The following BRINP3 variants were observed in gnomAD, a reference collection of about 807,000 sequenced individuals.
BRINP3 encodes BMP/retinoic acid inducible neural specific 3, also known as BMP/retinoic acid-inducible neural-specific protein 3.
BRINP3 carries 19 observed loss-of-function variants against 71.0 expected under a neutral mutation model. The ratio of observed to expected loss-of-function variants is 0.27; its 90% CI spans 0.19 to 0.39. BRINP3 has a LOEUF of 0.39. Ranked by LOEUF, BRINP3 falls within the 10% of genes least tolerant of loss-of-function variation. BRINP3 has a pLI of 1.00. For missense variants in BRINP3, 959 were observed against 940.8 expected (o/e 1.02, Z -0.25); for synonymous variants, 380 against 337.7 (o/e 1.13, Z -1.37).
At chr1:190,136,523 G>C (rs1367014707) in intron 7 of BRINP3, among the ~76,000 whole-genome samples, 1 of 151,852 alleles carries the variant, frequency 6.6e-6, no homozygotes, top group Non-Finnish European at 1.5e-5. Context: ...CTTCTTCCCT[G>C]CCTTCCCTCT....
At chr1:190,227,335 A>C (rs1158359193) in intron 5 of BRINP3, among the ~76,000 whole-genome samples, 2 of 151,864 alleles carry the variant, frequency 1.3e-5, no homozygotes, top group Non-Finnish European at 2.9e-5. Flanking sequence ...TATGTTGACA[A>C]ATTGCAAAAT....
chr1:190,250,452 A>G (rs1340394755), intron 4 of BRINP3, among the ~76,000 whole-genome samples: 1 of 152,022 alleles, frequency 6.6e-6, no homozygotes, highest in Non-Finnish European at 1.5e-5. Flanking sequence ...TTTTTACTCC[A>G]GCTTGCTGTA....
intron 2 of BRINP3, among the ~76,000 whole-genome samples, chr1:190,359,534 G>C (rs1668991859): frequency 6.6e-6 from 1 of 152,042 alleles, no homozygotes; most frequent in African/African-American, 2.4e-5. Context: ...GCTAAGGTGG[G>C]ATGATCTCTT....
chr1:190,193,531 A>G (rs1654226601), intron 6 of BRINP3, among the ~76,000 whole-genome samples: 1 of 152,070 alleles, frequency 6.6e-6, no homozygotes, highest in Non-Finnish European at 1.5e-5. Flanking sequence ...TACATGTACT[A>G]ATCCCTGGAA....
rs1042006982 is a variant in BRINP3, at chr1:190,449,747, T to C, written c.236+4908A>G. On this transcript the variant is annotated intron_variant, in intron 2 of 7. Transcript: ENST00000367462. ...ATATGTAGTGGTTTGGGCTTAATTA[T>C]CAGTGTATAGCTGAGGCGGAATTTA... 1.6e-4 allele frequency among the ~76,000 whole-genome samples: 24 copies of C among 152,276 alleles called. 1 individual carries two copies. Among genetic ancestry groups the C allele is most frequent in the Non-Finnish European group, 4.4e-5 (3 of 68,012 alleles).
At chr1:190,254,264 CCA>C (rs1660434546) in intron 4 of BRINP3, among the ~76,000 whole-genome samples, 1 of 149,576 alleles carries the variant, frequency 6.7e-6, no homozygotes, top group African/African-American at 2.4e-5. Context: ...TCTTTTAATT[CCA>C]TATGAACTTT....
chr1:190,097,816 T>C lies in BRINP3; in HGVS notation c.*202A>G, dbSNP rs1310621145. On this transcript the variant is annotated 3_prime_UTR_variant, in exon 8 of 8. Coordinates refer to ENST00000367462, the MANE Select transcript of BRINP3 (RefSeq NM_199051.3). The stretch of plus-strand genomic sequence containing the variant: ...TGTCTTCTAGACTGGTGTCAGTATT[T>C]ATGTCATTCATAAACCAAAACTGCT... 3 of 555,372 alleles carry C rather than the reference T, an allele frequency of 5.4e-6. No individual in the cohort carries two copies. Among genetic ancestry groups the C allele is most frequent in the Non-Finnish European group, 9.4e-6 (3 of 317,678 alleles). 34.4% of individuals were successfully genotyped at this position (555,372 alleles called of 1,614,324 possible).
Position 190,160,795 on chromosome 1 carries a change from G to A in BRINP3, c.1057C>T (p.Arg353Cys), listed in dbSNP as rs147790033. Residue 353 changes from arginine to cysteine, a missense_variant, in exon 7 of 8, where the codon CGC (arginine) becomes TGC (cysteine). Arg to Cys is a radical substitution (Grantham distance 180). Coordinates refer to ENST00000367462, the MANE Select transcript of BRINP3 (RefSeq NM_199051.3). ...HLWTMDSNFQ[R>C]RYEQLENSMK... ...CTGTTCTCCAGTTGTTCATAACGGC[G>A]CTGAAAATTAGAATCCATTGTCCAC... 260 of 1,613,366 alleles carry A rather than the reference G, an allele frequency of 1.6e-4. No homozygotes were observed. Among genetic ancestry groups the A allele is most frequent in the Non-Finnish European group, 2.0e-4 (239 of 1,179,694 alleles).
intron 2 of BRINP3, among the ~76,000 whole-genome samples, chr1:190,449,995 A>G (rs1039799619): frequency 1.3e-5 from 2 of 152,230 alleles, no homozygotes; most frequent in South Asian, 2.1e-4. Flanking sequence ...TAAAATTTAA[A>G]TAGAGAAAAA....
chr1:190,241,286 A>G (rs1659066476), intron 4 of BRINP3, among the ~76,000 whole-genome samples: 1 of 152,222 alleles, frequency 6.6e-6, no homozygotes, highest in East Asian at 1.9e-4. Flanking sequence ...GAGATGCTGT[A>G]TCTGGATGAA....
rs369121473 is a variant in BRINP3 at position 190,301,204 on chromosome 1, CATATATATATAT to C, written c.237-19466_237-19455del. ...ATATATATGTATATATATACACATA[CATATATATATAT>C]ATATATATATATATATATACACACA... On this transcript the variant is annotated intron_variant, in intron 2 of 7. Coordinates refer to ENST00000367462, the MANE Select transcript of BRINP3 (RefSeq NM_199051.3). 9.9e-4 allele frequency among the ~76,000 whole-genome samples: 105 copies of C among 106,340 alleles called. 1 individual carries two copies. Among genetic ancestry groups the C allele is most frequent in the African/African-American group, 3.6e-3 (99 of 27,210 alleles). 69.8% of individuals were successfully genotyped at this position (106,340 alleles called of 152,430 possible).
At chr1:190,325,839 G>A (rs1666545995) in intron 2 of BRINP3, among the ~76,000 whole-genome samples, 1 of 152,000 alleles carries the variant, frequency 6.6e-6, no homozygotes, top group African/African-American at 2.4e-5. Flanking sequence ...ATTTTCACAT[G>A]TTGTGATATC....
Position 190,232,206 on chromosome 1 carries a change from G to T in BRINP3, c.724+2166C>A, listed in dbSNP as rs557768183. Reference sequence around the variant, plus strand: ...CCCAAAAGACATGAAGATCTCTGTTGTTACCTTAGTAAAATATTCTTCAGT... The same window carrying T: ...CCCAAAAGACATGAAGATCTCTGTTTTTACCTTAGTAAAATATTCTTCAGT... On this transcript the variant is annotated intron_variant, in intron 5 of 7. Transcript: ENST00000367462. Among the ~76,000 whole-genome samples the T allele has an allele frequency of 9.9e-5, 15 of 152,054 alleles. No individual in the cohort carries two copies. The South Asian group carries it at 2.9e-3, about 29-fold the overall frequency.
intron 2 of BRINP3, among the ~76,000 whole-genome samples, chr1:190,417,497 A>G (rs2102440903): frequency 6.6e-6 from 1 of 152,250 alleles, no homozygotes; most frequent in Admixed American, 6.5e-5. Context: ...TTACTGATAC[A>G]ATATTTTTGC....
At chr1:190,243,291 C>T (rs1349565111) in intron 4 of BRINP3, among the ~76,000 whole-genome samples, 1 of 151,980 alleles carries the variant, frequency 6.6e-6, no homozygotes, top group Non-Finnish European at 1.5e-5. Context: ...CTTGATTGGT[C>T]TTGGAGATGC....
At chr1:190,359,958 T>C (rs1669024940) in intron 2 of BRINP3, among the ~76,000 whole-genome samples, 1 of 152,138 alleles carries the variant, frequency 6.6e-6, no homozygotes. Flanking sequence ...TACAAGCTTA[T>C]TTAGGTTTAT....
rs182791778 is a variant in BRINP3 at position 190,362,921 on chromosome 1, C to T, written c.237-81171G>A. 2.4e-3 allele frequency among the ~76,000 whole-genome samples: 372 copies of T among 152,206 alleles called. 1 individual carries two copies. Among genetic ancestry groups the T allele is most frequent in the African/African-American group, 8.7e-3 (360 of 41,538 alleles). On this transcript the variant is annotated intron_variant, in intron 2 of 7. Coordinates refer to ENST00000367462, the MANE Select transcript of BRINP3 (RefSeq NM_199051.3). ...GCAGCATGACAATGGACTAATACAA[C>T]CTCTATTTTTTTAATTTTAAAATAA...
At chr1:190,250,997 T>A (rs1301253202) in intron 4 of BRINP3, among the ~76,000 whole-genome samples, 3 of 151,766 alleles carry the variant, frequency 2.0e-5, no homozygotes, top group African/African-American at 7.3e-5. Context: ...TGGGAGGATC[T>A]CTTGAGGCCA....
At chr1:190,384,570 A>G (rs1670761898) in intron 2 of BRINP3, among the ~76,000 whole-genome samples, 1 of 151,902 alleles carries the variant, frequency 6.6e-6, no homozygotes, top group South Asian at 2.1e-4. Flanking sequence ...GATAATTTAT[A>G]AAAATAAAAA....
Sources: allele counts gnomAD v4.1 joint callset (sites outside exome capture counted in the v4.1 genomes callset), GRCh38; gene constraint gnomAD v4.1.1; transcripts MANE v1.5; gene names NCBI Gene and HGNC (gene_info 2026-07-23, HGNC 2026-07-21).